Variants in ST18 observed in about 807,000 individuals in gnomAD.
The protein encoded by ST18 is ST18 C2H2C-type zinc finger transcription factor.
ST18 carries 50 observed loss-of-function variants against 110.0 expected under a neutral mutation model. The ratio of observed to expected loss-of-function variants is 0.45; its 90% CI spans 0.36 to 0.58. The LOEUF is 0.58. Ranked by LOEUF, ST18 falls within the 20% of genes least tolerant of loss-of-function variation. The pLI is 0.00. For synonymous variants in ST18, 461 were observed against 452.4 expected, an observed-to-expected ratio of 1.02 and a Z score of -0.24; for missense variants, 1,306 against 1,280.1, an observed-to-expected ratio of 1.02 and a Z score of -0.31.
intron 2 of ST18, among the ~76,000 whole-genome samples, chr8:52,358,907 C>A (rs527250054): frequency 6.6e-6 from 1 of 151,846 alleles, no homozygotes; most frequent in South Asian, 2.1e-4. Flanking sequence ...ATAAAGACAT[C>A]AGAAGAAAAA....
At chr8:52,114,270 T>G (rs1012543820) in intron 25 of ST18, among the ~76,000 whole-genome samples, 1 of 152,080 alleles carries the variant, frequency 6.6e-6, no homozygotes, top group African/African-American at 2.4e-5. Context: ...ATGCTTGGCC[T>G]CCCTGTTCTT....
intron 2 of ST18, among the ~76,000 whole-genome samples, chr8:52,276,859 C>T (rs534906509): frequency 2.0e-5 from 3 of 151,652 alleles, no homozygotes; most frequent in Admixed American, 1.3e-4. Context: ...CTCTGCCTCC[C>T]GGGTTCAAGC....
chr8:52,275,987 A>C (rs2095228533), intron 2 of ST18, among the ~76,000 whole-genome samples: 1 of 74,348 alleles, frequency 1.3e-5, no homozygotes, highest in Non-Finnish European at 3.0e-5. Context: ...CACATCCTAC[A>C]CATCATACAT....
chr8:52,164,331 T>C (rs570001837), intron 12 of ST18, among the ~76,000 whole-genome samples: 8 of 152,366 alleles, frequency 5.3e-5, no homozygotes, highest in Admixed American at 1.3e-4. Context: ...CAAAACATTA[T>C]GTAAGGGATA....
intron 9 of ST18, among the ~76,000 whole-genome samples, chr8:52,174,606 T>C (rs1017673113): frequency 1.3e-5 from 2 of 152,116 alleles, no homozygotes; most frequent in Admixed American, 1.3e-4. Flanking sequence ...GTGACAAAAA[T>C]GCACATGTGC....
At chr8:52,149,698 C>T (rs113286675) in intron 16 of ST18, 34 bp downstream of exon 16, 120 of 1,604,464 alleles carry the variant, frequency 7.5e-5, no homozygotes, top group Non-Finnish European at 1.0e-4. Context: ...ATCATGCTGT[C>T]TTCAACTTAT....
At chr8:52,334,220 T>G (rs1291228721) in intron 2 of ST18, among the ~76,000 whole-genome samples, 1 of 152,266 alleles carries the variant, frequency 6.6e-6, no homozygotes, top group Non-Finnish European at 1.5e-5. Context: ...TATTTGCTGC[T>G]TTCATTCTCT....
At chr8:52,265,329 C>T (rs1442349959) in intron 2 of ST18, among the ~76,000 whole-genome samples, 1 of 152,208 alleles carries the variant, frequency 6.6e-6, no homozygotes, top group African/African-American at 2.4e-5. Context: ...GGGTTTAAGG[C>T]TGCGCCAAGG....
intron 8 of ST18, among the ~76,000 whole-genome samples, chr8:52,185,981 C>G (rs2071985759): frequency 6.6e-6 from 1 of 152,062 alleles, no homozygotes; most frequent in South Asian, 2.1e-4. Flanking sequence ...AGTTGCCAAC[C>G]AGTAAGGGGA....
intron 9 of ST18, among the ~76,000 whole-genome samples, chr8:52,173,505 C>T (rs2065752803): frequency 6.6e-6 from 1 of 152,134 alleles, no homozygotes; most frequent in Admixed American, 6.5e-5. Flanking sequence ...CCCTCTTGCT[C>T]TGGGAGTGGC....
At chr8:52,345,296 C>T (rs1292183112) in intron 2 of ST18, among the ~76,000 whole-genome samples, 1 of 152,150 alleles carries the variant, frequency 6.6e-6, no homozygotes, top group Non-Finnish European at 1.5e-5. Context: ...TGTCTCTTAT[C>T]CTTCCTGATA....
intron 2 of ST18, among the ~76,000 whole-genome samples, chr8:52,278,852 T>TA (rs34467230): frequency 6.4e-4 from 97 of 152,268 alleles, no homozygotes; most frequent in Middle Eastern, 3.4e-3. Flanking sequence ...TTGTGGCCCC[T>TA]AAAAAGGCCA....
At chr8:52,240,836 G>T (rs1212238685) in intron 2 of ST18, among the ~76,000 whole-genome samples, 1 of 152,092 alleles carries the variant, frequency 6.6e-6, no homozygotes, top group Non-Finnish European at 1.5e-5. Flanking sequence ...TTATGTCTCT[G>T]GTTTATGTCT....
At position 52,227,120 on chromosome 8, in the gene ST18, G is replaced by C. The variant is rs2089740762; in HGVS notation, c.-419+2912C>G. On this transcript the variant is annotated intron_variant, in intron 3 of 25. Coordinates refer to ENST00000689386, the MANE Select transcript of ST18 (RefSeq NM_001352837.2). Reference sequence around the variant, plus strand: ...TGACTCAATTGTGGAGGCCAATGGGGCACTGGATTTTTGCAGAATGATCCT... The same window carrying C: ...TGACTCAATTGTGGAGGCCAATGGGCCACTGGATTTTTGCAGAATGATCCT... Among the ~76,000 whole-genome samples, 3 of 152,164 alleles carry C rather than the reference G, an allele frequency of 2.0e-5. 1 individual carries two copies. The South Asian group carries it at 6.2e-4, about 31-fold the overall frequency.
intron 2 of ST18, among the ~76,000 whole-genome samples, chr8:52,271,274 T>A (rs1564380650): frequency 6.6e-6 from 1 of 152,222 alleles, no homozygotes; most frequent in Non-Finnish European, 1.5e-5. Flanking sequence ...TGTTTGATAC[T>A]CTCTTCCAGA....
At chr8:52,197,433 A>C (rs1386350778) in intron 8 of ST18, among the ~76,000 whole-genome samples, 1 of 152,220 alleles carries the variant, frequency 6.6e-6, no homozygotes, top group African/African-American at 2.4e-5. Context: ...AGTAAACATC[A>C]TTAGCTGATG....
intron 2 of ST18, among the ~76,000 whole-genome samples, chr8:52,355,333 G>T (rs1822194643): frequency 6.6e-6 from 1 of 152,144 alleles, no homozygotes; most frequent in East Asian, 1.9e-4. Flanking sequence ...CTACCTCCGG[G>T]GCCTGTGTGG....
At chr8:52,405,931 T>C (rs1844322559) in intron 2 of ST18, 1 of 152,244 alleles carries the variant, frequency 6.6e-6, no homozygotes, top group Admixed American at 6.5e-5. Context: ...TGAAGCTCTC[T>C]AGACTTTGAG....
chr8:52,181,954 C>T (rs953793430), intron 8 of ST18, among the ~76,000 whole-genome samples: 2 of 151,932 alleles, frequency 1.3e-5, no homozygotes, highest in African/African-American at 4.8e-5. Flanking sequence ...ACCTCTTGAA[C>T]CTCCTGAAGA....
Sources: gnomAD v4.1 joint callset for allele counts (sites outside exome capture counted in the v4.1 genomes callset) on GRCh38, gnomAD v4.1.1 for gene constraint, MANE v1.5 for transcripts, NCBI Gene and HGNC (gene_info 2026-07-23, HGNC 2026-07-21) for gene names.